GMCL1: variants seen among roughly 807,000 people sequenced by gnomAD.
GMCL1 encodes germ cell-less protein-like 1.
A neutral mutation model predicts 75.5 loss-of-function variants in GMCL1; 54 were observed. The ratio of observed to expected loss-of-function variants is 0.71; its 90% CI spans 0.57 to 0.90. The LOEUF (loss-of-function observed/expected upper bound fraction) is 0.90, where lower values mean the gene tolerates loss of function less well. GMCL1 is among the 40% of genes least tolerant of loss of function. The probability of loss-of-function intolerance (pLI) is 0.00; values close to 1 mark genes in which losing one functional copy is unlikely to be tolerated. For missense variants in GMCL1, 537 were observed against 622.7 expected (o/e 0.86, Z 1.47); for synonymous variants, 210 against 209.6 (o/e 1.00, Z -0.02).
intron 9 of GMCL1, among the ~76,000 whole-genome samples, chr2:69,855,197 A>G (rs1045945325): frequency 1.3e-5 from 2 of 152,078 alleles, no homozygotes; most frequent in Non-Finnish European, 2.9e-5. Flanking sequence ...ATTATCTAGT[A>G]TTCTGTAATA....
In GMCL1 at chr2:69,837,674, A is replaced by G; in HGVS notation, c.384+4A>G. 1 of 1,594,192 alleles carries G rather than the reference A, an allele frequency of 6.3e-7. No individual in the cohort carries two copies. Among genetic ancestry groups the G allele is most frequent in the Non-Finnish European group, 8.5e-7 (1 of 1,174,724 alleles). ...ACACAAAATATATTTATGTCAAGTA[A>G]GTATTTTTTCTATTTGAGTAACAGG... On this transcript the variant is annotated splice_donor_region_variant and intron_variant, in intron 2 of 13. Coordinates refer to ENST00000282570, the MANE Select transcript of GMCL1 (RefSeq NM_178439.5).
chr2:69,843,052 C>CT (rs142916866), intron 4 of GMCL1, 97 bp from the exon 5 acceptor site: 11,385 of 317,512 alleles, frequency 0.036, 1 homozygote, highest in Middle Eastern at 0.051. Flanking sequence ...TTTCTTTCTT[C>CT]TTTTTTTTTT....
At chr2:69,864,090 T>C (rs1019879243) in intron 10 of GMCL1, among the ~76,000 whole-genome samples, 4 of 152,142 alleles carry the variant, frequency 2.6e-5, no homozygotes, top group African/African-American at 7.2e-5. Context: ...AATATTATTA[T>C]AATTAACTGT....
intron 13 of GMCL1, among the ~76,000 whole-genome samples, chr2:69,875,098 T>C (rs556323806): frequency 6.6e-6 from 1 of 152,328 alleles, no homozygotes; most frequent in East Asian, 1.9e-4. Flanking sequence ...ATCTATCTTT[T>C]TCTTTTATGA....
chr2:69,859,345 T>C, intron 9 of GMCL1, among the ~76,000 whole-genome samples: 1 of 151,420 alleles, frequency 6.6e-6, no homozygotes, highest in East Asian at 1.9e-4. Flanking sequence ...ATATGAATTT[T>C]TTTAAATATA....
intron 11 of GMCL1, among the ~76,000 whole-genome samples, chr2:69,868,464 T>A (rs1675882837): frequency 6.6e-6 from 1 of 152,180 alleles, no homozygotes; most frequent in African/African-American, 2.4e-5. Context: ...CATTAACTAT[T>A]AGCTGATAGA....
chr2:69,832,694 C>G (rs1371957051), intron 1 of GMCL1, among the ~76,000 whole-genome samples: 4 of 152,142 alleles, frequency 2.6e-5, no homozygotes, highest in Non-Finnish European at 5.9e-5. Context: ...CTTCTTTTGT[C>G]CAACAGGACA....
rs1675252679 is a variant in GMCL1 at position 69,849,632 on chromosome 2, T to A, written c.844-20T>A. On this transcript the variant is annotated intron_variant, in intron 7 of 13. Coordinates refer to ENST00000282570, the MANE Select transcript of GMCL1 (RefSeq NM_178439.5). ...ATGAAATTTCATAATTGTTTTCTTA[T>A]TTAATTTTTTTTAACTTAGTGGATG... The A allele has an allele frequency of 2.1e-6, 3 of 1,407,436 alleles. No homozygotes were observed. Among genetic ancestry groups the A allele is most frequent in the Non-Finnish European group, 2.9e-6 (3 of 1,029,564 alleles). 87.2% of individuals were successfully genotyped at this position (1,407,436 alleles called of 1,614,324 possible).
At chr2:69,868,842 G>A (rs968295015) in intron 11 of GMCL1, among the ~76,000 whole-genome samples, 7 of 150,908 alleles carry the variant, frequency 4.6e-5, no homozygotes, top group Non-Finnish European at 8.9e-5. Context: ...ATTGCTGGGT[G>A]CAGTGGCTCA....
intron 11 of GMCL1, 92 bp from the exon 12 acceptor site, chr2:69,869,627 A>G: frequency 7.9e-7 from 1 of 1,266,438 alleles, no homozygotes; most frequent in African/African-American, 1.5e-5. Flanking sequence ...AATACTTGGA[A>G]TGAGTTAGAG....
intron 13 of GMCL1, among the ~76,000 whole-genome samples, chr2:69,873,039 A>G (rs913206672): frequency 6.6e-6 from 1 of 152,208 alleles, no homozygotes; most frequent in Admixed American, 6.5e-5. Context: ...GAATTAGCTC[A>G]GAGTGTGCAA....
chr2:69,855,923 A>G (rs1484824918), intron 9 of GMCL1, among the ~76,000 whole-genome samples: 1 of 152,126 alleles, frequency 6.6e-6, no homozygotes, highest in Non-Finnish European at 1.5e-5. Context: ...ATTTTGTAAG[A>G]GATTGGGGAA....
At chr2:69,853,844 C>A (rs980529082) in intron 8 of GMCL1, among the ~76,000 whole-genome samples, 4 of 151,912 alleles carry the variant, frequency 2.6e-5, no homozygotes, top group African/African-American at 9.7e-5. Context: ...ACTCTGTCAC[C>A]CAGGCTAGAG....
At position 69,839,523 on chromosome 2, in the gene GMCL1, G is replaced by A; in HGVS notation, c.451G>A (p.Glu151Lys). ...ATCCAGCATGAATATTATTGAACTGGAGATTCCTGACCAGAACATTGATGT... is the reference window on the plus strand; with the variant it reads ...ATCCAGCATGAATATTATTGAACTGAAGATTCCTGACCAGAACATTGATGT... ...KESSMNIIEL[E>K]IPDQNIDVEA... is the part of the protein sequence containing the mutation. Residue 151 changes from glutamate to lysine, a missense_variant, in exon 3 of 14, where the codon GAG becomes AAG. Transcript: ENST00000282570. 1.2e-6 allele frequency: 2 copies of A among 1,600,110 alleles called. No homozygotes were observed. Among genetic ancestry groups the A allele is most frequent in the Non-Finnish European group, 1.7e-6 (2 of 1,168,380 alleles).
At chr2:69,847,442 C>T in intron 6 of GMCL1, 101 bp from the exon 7 acceptor site, 2 of 772,626 alleles carry the variant, frequency 2.6e-6, no homozygotes, top group African/African-American at 1.7e-5. Context: ...TTTTTAATTC[C>T]ACATATTTTT....
At chr2:69,864,640 T>C (rs60390734) in intron 10 of GMCL1, among the ~76,000 whole-genome samples, 28,049 of 145,974 alleles carry the variant, frequency 0.19, 2,741 homozygotes, top group African/African-American at 0.23. Flanking sequence ...AGGTTTTTTT[T>C]CCTCTACTCT....
chr2:69,853,039 A>G (rs1161249652), intron 8 of GMCL1, among the ~76,000 whole-genome samples: 1 of 152,220 alleles, frequency 6.6e-6, no homozygotes, highest in South Asian at 2.1e-4. Context: ...TTTTGGTTCT[A>G]TAAATTCTTA....
intron 10 of GMCL1, among the ~76,000 whole-genome samples, chr2:69,863,832 A>G (rs1675728307): frequency 6.6e-6 from 1 of 152,036 alleles, no homozygotes; most frequent in Non-Finnish European, 1.5e-5. Context: ...TCTTATGTTC[A>G]TATGCTGCAG....
chr2:69,855,734 T>C (rs866885802), intron 9 of GMCL1, among the ~76,000 whole-genome samples: 20 of 152,204 alleles, frequency 1.3e-4, no homozygotes, highest in Admixed American at 5.2e-4. Context: ...TTAGCAAGTT[T>C]ATAGATACTG....
Sources: allele counts gnomAD v4.1 joint callset (sites outside exome capture counted in the v4.1 genomes callset), GRCh38; gene constraint gnomAD v4.1.1; transcripts MANE v1.5; gene names NCBI Gene and HGNC (gene_info 2026-07-23, HGNC 2026-07-21).